COL13A1: variants seen among roughly 807,000 people sequenced by gnomAD.
The protein encoded by COL13A1 is collagen alpha-1(XIII) chain.
In COL13A1, 89 loss-of-function variants were observed where a neutral mutation model predicts 130.9. The observed-to-expected ratio is 0.68, with a 90% CI of 0.57 to 0.81. COL13A1 has a LOEUF of 0.81. COL13A1 is among the 30% of genes least tolerant of loss of function. The pLI is 0.00. For missense variants in COL13A1, 879 were observed against 934.6 expected (o/e 0.94, Z 0.78); for synonymous variants, 402 against 341.6 (o/e 1.18, Z -1.95).
At chr10:69,898,497 G>A (rs888157301) in intron 13 of COL13A1, among the ~76,000 whole-genome samples, 200 bp from the exon 14 acceptor site, 2 of 152,222 alleles carry the variant, frequency 1.3e-5, no homozygotes, top group Non-Finnish European at 2.9e-5. Flanking sequence ...GGCAAGCTCC[G>A]CTCTGCATCC....
intron 2 of COL13A1, among the ~76,000 whole-genome samples, chr10:69,839,702 C>T (rs531215676): frequency 1.3e-5 from 2 of 152,294 alleles, no homozygotes; most frequent in South Asian, 2.1e-4. Flanking sequence ...CAGCAAAAGC[C>T]GGTGCAAAAT....
At chr10:69,937,161 G>A (rs778106213) in intron 33 of COL13A1, among the ~76,000 whole-genome samples, 1 of 152,160 alleles carries the variant, frequency 6.6e-6, no homozygotes, top group African/African-American at 2.4e-5. Context: ...GGGCTCTCCC[G>A]GCCTCCCCTG....
At chr10:69,813,878 G>C (rs1843715712) in intron 1 of COL13A1, among the ~76,000 whole-genome samples, 1 of 152,154 alleles carries the variant, frequency 6.6e-6, no homozygotes, top group African/African-American at 2.4e-5. Flanking sequence ...TCCTGCCTCT[G>C]TACCTCCTCA....
intron 15 of COL13A1, among the ~76,000 whole-genome samples, chr10:69,903,527 T>C (rs1215813970): frequency 6.6e-6 from 1 of 152,196 alleles, no homozygotes; most frequent in African/African-American, 2.4e-5. Context: ...GCCCAATTTA[T>C]ACAACAAAGC....
chr10:69,888,591 G>A (rs1259764729), intron 9 of COL13A1, among the ~76,000 whole-genome samples: 1 of 152,112 alleles, frequency 6.6e-6, no homozygotes, highest in Non-Finnish European at 1.5e-5. Context: ...GTGATTCTGG[G>A]TGGGGTGGGG....
intron 2 of COL13A1, among the ~76,000 whole-genome samples, chr10:69,823,556 C>T (rs998945909): frequency 1.6e-4 from 24 of 152,272 alleles, no homozygotes; most frequent in African/African-American, 4.8e-4. Flanking sequence ...CCTCAGAAGC[C>T]GAGGGACCCA....
At chr10:69,893,122 G>C (rs919519310) in intron 10 of COL13A1, among the ~76,000 whole-genome samples, 2 of 152,222 alleles carry the variant, frequency 1.3e-5, no homozygotes, top group African/African-American at 2.4e-5. Context: ...AGGCCAGCAC[G>C]GGCAGATTGC....
intron 10 of COL13A1, among the ~76,000 whole-genome samples, chr10:69,890,922 C>A (rs2134661816): frequency 6.6e-6 from 1 of 152,364 alleles, no homozygotes; most frequent in Non-Finnish European, 1.5e-5. Context: ...ATGTCCAAAA[C>A]AAGATCGAAA....
Position 69,947,322 on chromosome 10 carries a change from C to G in COL13A1, c.2038C>G (p.Pro680Ala). ...AAGLPGLHGP[P>A]GDKGNRGERG... is the part of the protein sequence containing the mutation. ...TCTCTTGCAGGGTTTACATGGACCA[C>G]CCGGGGACAAGGGAAACCGGGTGAG... Residue 680 changes from proline (P) to alanine (A), a missense_variant, in exon 38 of 41, where the codon CCC becomes GCC. Transcript: ENST00000645393. The G allele has an allele frequency of 6.2e-7, 1 of 1,613,108 alleles. No homozygotes were observed. The highest frequency in any genetic ancestry group is 1.1e-5 in the South Asian group (1 of 90,864).
At chr10:69,882,834 G>C (rs1005874294) in intron 7 of COL13A1, among the ~76,000 whole-genome samples, 2 of 152,202 alleles carry the variant, frequency 1.3e-5, no homozygotes, top group African/African-American at 2.4e-5. Context: ...TCACCCAGTG[G>C]CTCGAGCTAT....
intron 10 of COL13A1, among the ~76,000 whole-genome samples, chr10:69,892,869 C>T (rs766221612): frequency 4.1e-4 from 62 of 152,188 alleles, no homozygotes; most frequent in Admixed American, 1.9e-3. Flanking sequence ...ATGAAGACCA[C>T]GATTGTCCCC....
chr10:69,906,950 C>T (rs191177608), intron 17 of COL13A1, among the ~76,000 whole-genome samples: 32 of 152,152 alleles, frequency 2.1e-4, no homozygotes, highest in African/African-American at 6.3e-4. Flanking sequence ...AGGATGGTCT[C>T]GGTCTCTTGA....
chr10:69,937,232 T>A (rs566285330), intron 33 of COL13A1, among the ~76,000 whole-genome samples: 1 of 152,324 alleles, frequency 6.6e-6, no homozygotes, highest in South Asian at 2.1e-4. Flanking sequence ...CCTTTCCTCA[T>A]GCCCTGGTAT....
intron 2 of COL13A1, among the ~76,000 whole-genome samples, chr10:69,826,750 A>G (rs1015677279): frequency 2.0e-5 from 3 of 152,182 alleles, no homozygotes; most frequent in Admixed American, 6.5e-5. Flanking sequence ...GGACTTAGAC[A>G]AGGTGGAGGT....
chr10:69,944,200 G>T (rs1281294903), intron 36 of COL13A1, 22 bp downstream of exon 36: 4 of 1,611,128 alleles, frequency 2.5e-6, no homozygotes, highest in Non-Finnish European at 3.4e-6. Flanking sequence ...TGAGCCAGGG[G>T]CCTGGGCGGC....
At chr10:69,951,226 C>A (rs1385358710) in intron 38 of COL13A1, among the ~76,000 whole-genome samples, 1 of 152,320 alleles carries the variant, frequency 6.6e-6, no homozygotes, top group Non-Finnish European at 1.5e-5. Context: ...GTGCACATGA[C>A]AACCTCTGAC....
Position 69,935,406 on chromosome 10 carries a change from C to T in COL13A1, c.1770+15C>T, listed in dbSNP as rs536008817. On this transcript the variant is annotated intron_variant, in intron 32 of 40. Coordinates refer to ENST00000645393, the MANE Select transcript of COL13A1 (RefSeq NM_001368882.1). ...CCGGACCTCCGGTAAGTTTGGAGGG[C>T]TTGTCAGTGGCCAGTCCACTAATGT... 3.9e-6 allele frequency: 6 copies of T among 1,544,208 alleles called. No individual in the cohort carries two copies. Among genetic ancestry groups the T allele is most frequent in the South Asian group, 3.7e-5 (3 of 81,404 alleles).
intron 4 of COL13A1, 131 bp from the exon 5 acceptor site, chr10:69,874,997 A>G: frequency 9.8e-7 from 1 of 1,016,402 alleles, no homozygotes; most frequent in East Asian, 2.5e-5. Flanking sequence ...TGGGCATCAT[A>G]CGGGATGTCG....
chr10:69,873,472 A>C (rs1365795551), intron 4 of COL13A1, among the ~76,000 whole-genome samples: 1 of 152,180 alleles, frequency 6.6e-6, no homozygotes, highest in Non-Finnish European at 1.5e-5. Flanking sequence ...TTCTTACAAC[A>C]TCCACCTTTA....
Sources: gnomAD v4.1 joint callset for allele counts (sites outside exome capture counted in the v4.1 genomes callset) on GRCh38, gnomAD v4.1.1 for gene constraint, MANE v1.5 for transcripts, NCBI Gene and HGNC (gene_info 2026-07-23, HGNC 2026-07-21) for gene names.